Variants in GPC5 observed in about 807,000 individuals in gnomAD.
The protein encoded by GPC5 is glypican-5.
In GPC5, 47 loss-of-function variants were observed where a neutral mutation model predicts 53.9. The observed-to-expected ratio is 0.87, with a 90% confidence interval of 0.69 to 1.11. The LOEUF is 1.11. Among genes scored for constraint, GPC5 ranks in the 50% most tolerant of loss-of-function variants. The pLI is 0.00. For missense variants in GPC5, 748 were observed against 713.1 expected (o/e 1.05, Z -0.56); for synonymous variants, 286 against 263.3 (o/e 1.09, Z -0.84).
chr13:91,864,715 A>G (rs2039065583), intron 5 of GPC5, among the ~76,000 whole-genome samples: 1 of 152,164 alleles, frequency 6.6e-6, no homozygotes, highest in Non-Finnish European at 1.5e-5. Context: ...GAATAAAAAT[A>G]AAACAGTCTA....
intron 7 of GPC5, among the ~76,000 whole-genome samples, chr13:92,628,260 C>CTTTTTTTTTTTTTTTTTTTTTT (rs1286424637): frequency 4.5e-4 from 17 of 37,562 alleles, no homozygotes; most frequent in African/African-American, 1.4e-3. Context: ...TTTTCTTTTT[C>CTTTTTTTTTTTTTTTTTTTTTT]TTTCTTTTTT....
chr13:91,445,979 C>T (rs1717674997), intron 1 of GPC5, among the ~76,000 whole-genome samples: 1 of 152,168 alleles, frequency 6.6e-6, no homozygotes, highest in East Asian at 1.9e-4. Context: ...TCCTCTGTTG[C>T]ATCTTTCTTC....
chr13:91,429,013 G>A (rs1396473438), intron 1 of GPC5, among the ~76,000 whole-genome samples: 1 of 152,058 alleles, frequency 6.6e-6, no homozygotes, highest in Non-Finnish European at 1.5e-5. Flanking sequence ...TCTGCCTCCT[G>A]GGTTCAAGCA....
chr13:91,940,850 T>C (rs1333293623), intron 6 of GPC5, among the ~76,000 whole-genome samples: 1 of 152,110 alleles, frequency 6.6e-6, no homozygotes, highest in Non-Finnish European at 1.5e-5. Flanking sequence ...TTATTTGTTT[T>C]TTGCTTGTTT....
At chr13:92,355,101 CTGT>C (rs911161457) in intron 7 of GPC5, among the ~76,000 whole-genome samples, 1 of 151,272 alleles carries the variant, frequency 6.6e-6, no homozygotes, top group Non-Finnish European at 1.5e-5. Context: ...TTATAAAAAT[CTGT>C]TATTAATGAA....
chr13:92,639,149 C>T (rs1885509051), intron 7 of GPC5, among the ~76,000 whole-genome samples: 2 of 152,004 alleles, frequency 1.3e-5, no homozygotes, highest in Non-Finnish European at 2.9e-5. Context: ...TAATACCAGT[C>T]ACAGAATCAA....
chr13:92,381,637 A>G (rs948269294), intron 7 of GPC5, among the ~76,000 whole-genome samples: 15 of 150,714 alleles, frequency 1.0e-4, no homozygotes, highest in African/African-American at 3.5e-4. Context: ...TGATCCGGCA[A>G]TCCCACTACT....
At chr13:92,200,920 C>A (rs2042289592) in intron 7 of GPC5, among the ~76,000 whole-genome samples, 1 of 151,876 alleles carries the variant, frequency 6.6e-6, no homozygotes, top group South Asian at 2.1e-4. Flanking sequence ...ACACATTTCC[C>A]AGAATAAATT....
chr13:92,556,429 C>A (rs1409598640), intron 7 of GPC5, among the ~76,000 whole-genome samples: 1 of 151,538 alleles, frequency 6.6e-6, no homozygotes, highest in African/African-American at 2.4e-5. Context: ...TGTTTGTTGA[C>A]ATTTTCTCTT....
intron 5 of GPC5, among the ~76,000 whole-genome samples, chr13:91,774,642 C>T (rs548941329): frequency 6.6e-6 from 1 of 152,224 alleles, no homozygotes; most frequent in East Asian, 1.9e-4. Flanking sequence ...GGTGACAGTG[C>T]CTTCTTAACA....
intron 5 of GPC5, among the ~76,000 whole-genome samples, chr13:91,895,952 G>A (rs1401907322): frequency 2.0e-5 from 3 of 151,852 alleles, no homozygotes; most frequent in African/African-American, 7.3e-5. Flanking sequence ...GCATTCCTGG[G>A]CTTGTGGCAG....
chr13:92,102,343 T>C (rs2041473955), intron 6 of GPC5, among the ~76,000 whole-genome samples: 1 of 152,150 alleles, frequency 6.6e-6, no homozygotes, highest in Admixed American at 6.6e-5. Flanking sequence ...TAGTGTGTAT[T>C]TTTCACTTTC....
intron 7 of GPC5, among the ~76,000 whole-genome samples, chr13:92,305,842 A>C (rs1349551643): frequency 6.6e-6 from 1 of 152,172 alleles, no homozygotes; most frequent in African/African-American, 2.4e-5. Context: ...TGCTTTGCCT[A>C]TACAGAGTGG....
rs1188364790 is a variant in GPC5 at position 91,668,932 on chromosome 13, G to A, written c.326-24255G>A. On this transcript the variant is annotated intron_variant, in intron 2 of 7. Transcript: ENST00000377067. ...ATCCATTTTTATAAAGTGAAAATAG[G>A]CATCAGGGTAAAATAGCACACGTTG... Among the ~76,000 whole-genome samples, 4 of 152,180 alleles carry A rather than the reference G, an allele frequency of 2.6e-5. No homozygotes were observed. In the South Asian group the frequency reaches 6.2e-4, roughly 24 times the overall value.
intron 1 of GPC5, among the ~76,000 whole-genome samples, chr13:91,412,662 A>G (rs557197791): frequency 2.0e-5 from 3 of 152,376 alleles, no homozygotes; most frequent in Admixed American, 2.0e-4. Context: ...TTTCTCAGGA[A>G]TATGACGTTA....
rs540431391 is a variant in GPC5 at position 92,249,041 on chromosome 13, T to C, written c.1561+104052T>C. 2.6e-4 allele frequency among the ~76,000 whole-genome samples: 39 copies of C among 152,206 alleles called. No homozygotes were observed. In the Middle Eastern group the frequency reaches 0.014, roughly 53 times the overall value. On this transcript the variant is annotated intron_variant, in intron 7 of 7. Transcript: ENST00000377067. The stretch of plus-strand genomic sequence containing the variant: ...ATAATTTTATTTTTTAAATTTTTTG[T>C]GGGTATATAGTAGGTGCACATATTT...
chr13:91,881,657 C>T (rs2039265062), intron 5 of GPC5, among the ~76,000 whole-genome samples: 1 of 152,172 alleles, frequency 6.6e-6, no homozygotes, highest in South Asian at 2.1e-4. Flanking sequence ...GTTCCAAGGA[C>T]CAGAACCGTG....
At chr13:91,618,494 C>G (rs139300840) in intron 2 of GPC5, among the ~76,000 whole-genome samples, 64 of 152,164 alleles carry the variant, frequency 4.2e-4, no homozygotes, top group African/African-American at 1.4e-3. Context: ...TCACTACTCT[C>G]TCTCAGCCCA....
At position 92,109,698 on chromosome 13, in the gene GPC5, C is replaced by G. The variant is rs76946204; in HGVS notation, c.1402-35132C>G. On this transcript the variant is annotated intron_variant, in intron 6 of 7. Coordinates refer to ENST00000377067, the MANE Select transcript of GPC5 (RefSeq NM_004466.6). ...TATATGTCTTCCCCATTACCGTAGT[C>G]TTTCAGGACTCTTAAGGTAAGAATA... is the stretch of plus-strand genomic sequence containing the variant. Among the ~76,000 whole-genome samples, 876 of 152,240 alleles carry G rather than the reference C, an allele frequency of 5.8e-3. 16 individuals are homozygous for G. Among genetic ancestry groups the G allele is most frequent in the African/African-American group, 0.02 (831 of 41,554 alleles).
Sources: allele counts gnomAD v4.1 joint callset (sites outside exome capture counted in the v4.1 genomes callset), GRCh38; gene constraint gnomAD v4.1.1; transcripts MANE v1.5; gene names NCBI Gene and HGNC (gene_info 2026-07-23, HGNC 2026-07-21).